ASAP2: variants seen among roughly 807,000 people sequenced by gnomAD.
The protein encoded by ASAP2 is ArfGAP with SH3 domain, ankyrin repeat and PH domain 2.
A neutral mutation model predicts 131.4 loss-of-function variants in ASAP2; 45 were observed. That is an observed-to-expected ratio of 0.34 (90% confidence interval 0.27 to 0.44). The LOEUF is 0.44. Ranked by LOEUF, ASAP2 falls within the 20% of genes least tolerant of loss-of-function variation. ASAP2 has a pLI of 1.00. For synonymous variants in ASAP2, 510 were observed against 503.0 expected, an observed-to-expected ratio of 1.01 and a Z score of -0.19; for missense variants, 1,011 against 1,297.0, an observed-to-expected ratio of 0.78 and a Z score of 3.39.
intron 3 of ASAP2, among the ~76,000 whole-genome samples, chr2:9,317,029 A>G (rs1030505047): frequency 3.1e-5 from 4 of 130,710 alleles, no homozygotes; most frequent in African/African-American, 5.5e-5. Flanking sequence ...ACAACATGCA[A>G]TCATTCCCAA....
At chr2:9,348,782 C>G (rs1672143710) in intron 11 of ASAP2, among the ~76,000 whole-genome samples, 2 of 152,130 alleles carry the variant, frequency 1.3e-5, no homozygotes, top group South Asian at 4.1e-4. Context: ...ACACCTTTCC[C>G]CGTATCACAG....
rs1411559894 is a variant in ASAP2 at position 9,400,216 on chromosome 2, CCCT to C, written c.2734+147_2734+149del. On this transcript the variant is annotated intron_variant, in intron 25 of 27. Coordinates refer to ENST00000281419, the MANE Select transcript of ASAP2 (RefSeq NM_003887.3). ...CCCTCCTGCCCCCTCCCCTCCTGCC[CCCT>C]CCCCTCCTGCCCCCTCCCCTCCTGC... 7 of 630,456 alleles carry C rather than the reference CCCT, an allele frequency of 1.1e-5. No individual in the cohort carries two copies. The Admixed American group carries it at 1.2e-4, about 11-fold the overall frequency. 39.1% of individuals were successfully genotyped at this position (630,456 alleles called of 1,614,324 possible).
chr2:9,273,850 A>G (rs1400630480), intron 1 of ASAP2, among the ~76,000 whole-genome samples: 3 of 152,128 alleles, frequency 2.0e-5, no homozygotes. Context: ...CAGCTGCATG[A>G]CTCCTAAACC....
At chr2:9,253,712 G>A (rs1312820739) in intron 1 of ASAP2, among the ~76,000 whole-genome samples, 1 of 152,010 alleles carries the variant, frequency 6.6e-6, no homozygotes, top group African/African-American at 2.4e-5. Flanking sequence ...CTAGTGCCCT[G>A]GAGATTACAA....
intron 1 of ASAP2, among the ~76,000 whole-genome samples, chr2:9,224,135 C>T (rs1008882323): frequency 2.0e-5 from 3 of 152,070 alleles, no homozygotes; most frequent in African/African-American, 7.2e-5. Context: ...TTCTGGGACA[C>T]GTAGCCTAAT....
At chr2:9,315,798 A>G (rs1215499319) in intron 3 of ASAP2, among the ~76,000 whole-genome samples, 1 of 152,162 alleles carries the variant, frequency 6.6e-6, no homozygotes, top group Admixed American at 6.5e-5. Context: ...TAAAAATTTA[A>G]TGCTTAAGGC....
chr2:9,328,441 G>A (rs1001382374), intron 7 of ASAP2, among the ~76,000 whole-genome samples: 1 of 152,144 alleles, frequency 6.6e-6, no homozygotes, highest in Non-Finnish European at 1.5e-5. Flanking sequence ...TTTGTAGAGG[G>A]ACAAACTCAT....
intron 2 of ASAP2, among the ~76,000 whole-genome samples, chr2:9,289,116 C>T (rs1667639203): frequency 6.6e-6 from 1 of 152,100 alleles, no homozygotes; most frequent in Non-Finnish European, 1.5e-5. Flanking sequence ...TGGCAGGTAC[C>T]AAGGTTTATT....
At chr2:9,374,705 G>T in intron 16 of ASAP2, 50 bp from the exon 17 acceptor site, 1 of 1,517,276 alleles carries the variant, frequency 6.6e-7, no homozygotes, top group South Asian at 1.3e-5. Context: ...GAGGCCGGAC[G>T]GCGGGTAGAA....
In ASAP2 at chr2:9,346,193, C is replaced by T. The variant is rs112122995; in HGVS notation, c.1023+1393C>T. Among the ~76,000 whole-genome samples, 4 of 151,904 alleles carry T rather than the reference C, an allele frequency of 2.6e-5. No homozygotes were observed. In the East Asian group the frequency reaches 7.7e-4, roughly 29 times the overall value. On this transcript the variant is annotated intron_variant, in intron 11 of 27. Coordinates refer to ENST00000281419, the MANE Select transcript of ASAP2 (RefSeq NM_003887.3). Reference sequence around the variant, plus strand: ...CTGTAATCCTAGCGCTTAGGGAGGCCGAGGCGGGCAGATCAGCTGAGGTCA... The same window carrying T: ...CTGTAATCCTAGCGCTTAGGGAGGCTGAGGCGGGCAGATCAGCTGAGGTCA...
At chr2:9,294,197 T>A (rs1329505443) in intron 2 of ASAP2, among the ~76,000 whole-genome samples, 2 of 151,934 alleles carry the variant, frequency 1.3e-5, no homozygotes, top group East Asian at 1.9e-4. Context: ...CAGCGTTTCA[T>A]CATGTTGGCC....
At chr2:9,236,513 T>A (rs1663562901) in intron 1 of ASAP2, among the ~76,000 whole-genome samples, 1 of 152,246 alleles carries the variant, frequency 6.6e-6, no homozygotes, top group Non-Finnish European at 1.5e-5. Context: ...TAAAATTGTC[T>A]CTGTACTGAT....
chr2:9,390,604 G>T (rs1675644490), intron 22 of ASAP2, among the ~76,000 whole-genome samples: 1 of 152,184 alleles, frequency 6.6e-6, no homozygotes, highest in Non-Finnish European at 1.5e-5. Flanking sequence ...TGTCTGATTT[G>T]CACTCTGCCC....
At chr2:9,235,707 G>A (rs1663503727) in intron 1 of ASAP2, among the ~76,000 whole-genome samples, 1 of 152,188 alleles carries the variant, frequency 6.6e-6, no homozygotes, top group South Asian at 2.1e-4. Flanking sequence ...GTCGGGCTGG[G>A]TAGGGCAGAG....
At chr2:9,262,320 C>T (rs1447519358) in intron 1 of ASAP2, among the ~76,000 whole-genome samples, 4 of 152,080 alleles carry the variant, frequency 2.6e-5, no homozygotes, top group South Asian at 2.1e-4. Context: ...GGGGTAACAG[C>T]GTCTTCTTAA....
chr2:9,267,319 C>T (rs1312666960), intron 1 of ASAP2, among the ~76,000 whole-genome samples: 1 of 152,040 alleles, frequency 6.6e-6, no homozygotes, highest in African/African-American at 2.4e-5. Flanking sequence ...CTAGTAGTCC[C>T]CAGTTTCTAT....
chr2:9,249,745 CG>C (rs1017376546), intron 1 of ASAP2, among the ~76,000 whole-genome samples: 5 of 149,162 alleles, frequency 3.4e-5, no homozygotes, highest in African/African-American at 1.2e-4. Flanking sequence ...CCCGGGCTGG[CG>C]GGGGAGCTGC....
At chr2:9,212,226 C>G (rs960330319) in intron 1 of ASAP2, among the ~76,000 whole-genome samples, 7 of 152,064 alleles carry the variant, frequency 4.6e-5, no homozygotes, top group African/African-American at 1.7e-4. Flanking sequence ...TTGGAGGGAC[C>G]TACAGTCCAG....
intron 2 of ASAP2, among the ~76,000 whole-genome samples, chr2:9,284,915 A>G (rs1341309440): frequency 6.6e-6 from 1 of 152,234 alleles, no homozygotes; most frequent in African/African-American, 2.4e-5. Flanking sequence ...AAGATGCCTT[A>G]CAATGGAGGC....
Sources: gnomAD v4.1 joint callset for allele counts (sites outside exome capture counted in the v4.1 genomes callset) on GRCh38, gnomAD v4.1.1 for gene constraint, MANE v1.5 for transcripts, NCBI Gene and HGNC (gene_info 2026-07-23, HGNC 2026-07-21) for gene names.